The following GMDS variants were observed in gnomAD, a reference collection of about 807,000 sequenced individuals.
GMDS encodes GDP-mannose 4,6-dehydratase, also known as GDP-mannose 4,6 dehydratase.
GMDS carries 20 observed loss-of-function variants against 49.9 expected under a neutral mutation model. That is an observed-to-expected ratio of 0.40 (90% confidence interval 0.28 to 0.58). The LOEUF (loss-of-function observed/expected upper bound fraction) is 0.58, where lower values mean the gene tolerates loss of function less well. GMDS is among the 20% of genes least tolerant of loss of function. GMDS has a pLI of 0.42. For synonymous variants in GMDS, 177 were observed against 178.6 expected (o/e 0.99, Z 0.07); for missense variants, 362 against 481.4 (o/e 0.75, Z 2.32).
intron 7 of GMDS, among the ~76,000 whole-genome samples, chr6:1,874,868 T>C (rs1300527940): frequency 6.6e-6 from 1 of 152,106 alleles, no homozygotes; most frequent in Non-Finnish European, 1.5e-5. Context: ...ATGATGAGGA[T>C]GTGTTAAAGG....
chr6:1,685,656 C>G (rs1314079270), intron 9 of GMDS, among the ~76,000 whole-genome samples: 2 of 152,150 alleles, frequency 1.3e-5, no homozygotes, highest in Non-Finnish European at 2.9e-5. Flanking sequence ...CCTCCCCCAC[C>G]TGCAGTTCCA....
At chr6:1,927,053 A>C (rs13192817) in intron 7 of GMDS, among the ~76,000 whole-genome samples, 134 of 59,330 alleles carry the variant, frequency 2.3e-3, no homozygotes, top group Non-Finnish European at 3.1e-3. Context: ...TAGCGTGTTG[A>C]TGTATTTTTA....
chr6:1,879,261 G>A (rs1759248308), intron 7 of GMDS, among the ~76,000 whole-genome samples: 1 of 152,136 alleles, frequency 6.6e-6, no homozygotes, highest in South Asian at 2.1e-4. Flanking sequence ...TTACATACAA[G>A]TGAGGAGGAC....
chr6:1,986,234 T>A (rs1765538179), intron 4 of GMDS, among the ~76,000 whole-genome samples: 1 of 152,138 alleles, frequency 6.6e-6, no homozygotes, highest in South Asian at 2.1e-4. Context: ...TCAGGTGAGA[T>A]GTTACCTGCT....
chr6:2,093,306 A>G (rs1044216978), intron 4 of GMDS, among the ~76,000 whole-genome samples: 3 of 152,232 alleles, frequency 2.0e-5, no homozygotes, highest in Non-Finnish European at 4.4e-5. Flanking sequence ...AAAAACACAA[A>G]TAAGTACAAA....
At position 2,245,037 on chromosome 6, in the gene GMDS, A is replaced by G. The variant is rs540530911; in HGVS notation, c.102+284T>C. Reference sequence around the variant, plus strand: ...GAGACGCTGCGGTCACCTGAGGGGCAGGTGAGAGCGGGCGGTCCTGCCCGG... The same window carrying G: ...GAGACGCTGCGGTCACCTGAGGGGCGGGTGAGAGCGGGCGGTCCTGCCCGG... On this transcript the variant is annotated intron_variant, in intron 1 of 10. Transcript: ENST00000380815. Among the ~76,000 whole-genome samples, 5 of 152,342 alleles carry G rather than the reference A, an allele frequency of 3.3e-5. No individual in the cohort carries two copies. The South Asian group carries it at 1.0e-3, about 32-fold the overall frequency.
chr6:2,117,259 C>G (rs529757640), intron 3 of GMDS, among the ~76,000 whole-genome samples: 1 of 152,172 alleles, frequency 6.6e-6, no homozygotes, highest in African/African-American at 2.4e-5. Flanking sequence ...AGCCTTCTAA[C>G]AGCCAAACCA....
intron 7 of GMDS, among the ~76,000 whole-genome samples, chr6:1,900,978 T>C (rs569675207): frequency 5.0e-4 from 76 of 152,336 alleles, no homozygotes; most frequent in Middle Eastern, 3.4e-3. Flanking sequence ...ATGCTGCAAC[T>C]TTTTCCTTCC....
Position 1,969,123 on chromosome 6 carries a change from A to G in GMDS, c.346-8157T>C, listed in dbSNP as rs571181414. Among the ~76,000 whole-genome samples the G allele has an allele frequency of 6.4e-3, 971 of 151,724 alleles. 9 individuals are homozygous for G. The highest frequency in any genetic ancestry group is 0.011 in the Admixed American group (165 of 15,258). On this transcript the variant is annotated intron_variant, in intron 4 of 10. Transcript: ENST00000380815. ...AAAAATACAAAAAAATTAGCTGGGC[A>G]TGGTGGCAGGTGCCTGTAGTCCCAG...
At chr6:2,069,017 T>C (rs1235690413) in intron 4 of GMDS, among the ~76,000 whole-genome samples, 2 of 152,166 alleles carry the variant, frequency 1.3e-5, no homozygotes, top group Non-Finnish European at 2.9e-5. Flanking sequence ...CTTCAAACTA[T>C]ACTATAAGGC....
intron 7 of GMDS, among the ~76,000 whole-genome samples, chr6:1,819,827 T>C (rs1274255818): frequency 2.0e-5 from 3 of 149,154 alleles, no homozygotes; most frequent in South Asian, 4.2e-4. Flanking sequence ...CTCATAGAGA[T>C]AGAATATGAC....
intron 8 of GMDS, among the ~76,000 whole-genome samples, chr6:1,740,617 A>T (rs989934041): frequency 2.6e-5 from 4 of 151,986 alleles, no homozygotes; most frequent in Admixed American, 6.6e-5. Context: ...TGAAAAGTAT[A>T]AAAAAACCCT....
chr6:2,119,338 C>A (rs1775014293), intron 2 of GMDS, among the ~76,000 whole-genome samples: 1 of 152,028 alleles, frequency 6.6e-6, no homozygotes, highest in Non-Finnish European at 1.5e-5. Flanking sequence ...CCAATCATAA[C>A]CAAGACTTTA....
intron 7 of GMDS, among the ~76,000 whole-genome samples, chr6:1,759,541 C>T (rs530656045): frequency 1.3e-5 from 2 of 152,208 alleles, no homozygotes; most frequent in Non-Finnish European, 2.9e-5. Flanking sequence ...CTTTTGTGAG[C>T]TAACCTGGGG....
intron 4 of GMDS, among the ~76,000 whole-genome samples, chr6:2,014,485 C>T (rs924760372): frequency 1.9e-4 from 29 of 152,060 alleles, no homozygotes; most frequent in African/African-American, 5.8e-4. Context: ...ATCTGTTAAG[C>T]AGCATACCGT....
intron 1 of GMDS, among the ~76,000 whole-genome samples, chr6:2,210,496 T>G (rs2127582528): frequency 6.6e-6 from 1 of 152,212 alleles, no homozygotes; most frequent in Non-Finnish European, 1.5e-5. Flanking sequence ...GCCTCGAGAA[T>G]GGACGGGCTA....
chr6:1,887,965 T>C (rs1759684852), intron 7 of GMDS, among the ~76,000 whole-genome samples: 1 of 152,092 alleles, frequency 6.6e-6, no homozygotes, highest in Non-Finnish European at 1.5e-5. Flanking sequence ...TGTTTTGTTT[T>C]GTTTTGAGAC....
At position 2,060,893 on chromosome 6, in the gene GMDS, G is replaced by A. The variant is rs574336298; in HGVS notation, c.345+54878C>T. Among the ~76,000 whole-genome samples the A allele has an allele frequency of 2.6e-3, 395 of 152,102 alleles. 2 individuals carry two copies. The highest frequency in any genetic ancestry group is 9.3e-3 in the African/African-American group (385 of 41,520). On this transcript the variant is annotated intron_variant, in intron 4 of 10. Transcript: ENST00000380815. ...AAATTAGCCGGGCGTAGTGGCAGGC[G>A]CCTTTAATCCCAGCTACCTGGGAGG...
At chr6:1,763,936 C>A (rs1768252422) in intron 7 of GMDS, among the ~76,000 whole-genome samples, 2 of 152,140 alleles carry the variant, frequency 1.3e-5, no homozygotes, top group Admixed American at 1.3e-4. Flanking sequence ...AAGCTGCGAT[C>A]CACTGGAGCT....
Sources: allele counts gnomAD v4.1 joint callset (sites outside exome capture counted in the v4.1 genomes callset), GRCh38; gene constraint gnomAD v4.1.1; transcripts MANE v1.5; gene names NCBI Gene and HGNC (gene_info 2026-07-23, HGNC 2026-07-21).